NAV2: variants seen among roughly 807,000 people sequenced by gnomAD.
NAV2 encodes neuron navigator 2, also known as helicase, APC down-regulated 1.
Under a neutral mutation model 223.2 loss-of-function variants are expected in NAV2, and 54 were observed. The observed-to-expected ratio is 0.24, with a 90% CI of 0.19 to 0.30. The LOEUF (loss-of-function observed/expected upper bound fraction) is 0.30, where lower values mean the gene tolerates loss of function less well. Ranked by LOEUF, NAV2 falls within the 10% of genes least tolerant of loss-of-function variation. The pLI, the probability that NAV2 is intolerant of heterozygous loss-of-function variation, is 1.00. For synonymous variants in NAV2, 1,279 were observed against 1,239.3 expected, an observed-to-expected ratio of 1.03 and a Z score of -0.67; for missense variants, 2,806 against 3,147.5, an observed-to-expected ratio of 0.89 and a Z score of 2.60.
chr11:19,701,946 T>C (rs971248296), intron 1 of NAV2, among the ~76,000 whole-genome samples: 5 of 152,212 alleles, frequency 3.3e-5, no homozygotes, highest in African/African-American at 1.2e-4. Flanking sequence ...TGACAGCTTT[T>C]AGACCATCCT....
chr11:19,865,821 A>G (rs1176178115), intron 3 of NAV2, among the ~76,000 whole-genome samples: 1 of 152,120 alleles, frequency 6.6e-6, no homozygotes, highest in Non-Finnish European at 1.5e-5. Context: ...TTCCCTGTTC[A>G]CCTAATAAAG....
intron 22 of NAV2, among the ~76,000 whole-genome samples, chr11:20,076,550 G>C (rs978590529): frequency 2.0e-5 from 3 of 152,140 alleles, no homozygotes; most frequent in Non-Finnish European, 4.4e-5. Flanking sequence ...AAATTCCTTA[G>C]CATGACTGTT....
intron 1 of NAV2, among the ~76,000 whole-genome samples, chr11:19,693,270 T>C (rs767013945): frequency 3.9e-5 from 6 of 152,252 alleles, no homozygotes; most frequent in Admixed American, 1.3e-4. Flanking sequence ...TCGAGTGAGA[T>C]AGCCGATGGC....
chr11:19,631,270 C>A (rs12796303), intron 1 of NAV2, among the ~76,000 whole-genome samples: 7,585 of 151,698 alleles, frequency 0.05, 245 homozygotes, highest in Non-Finnish European at 0.075. Context: ...CCCCACCCCA[C>A]AACAGTCCCC....
At chr11:19,473,074 G>A (rs569382563) in intron 1 of NAV2, among the ~76,000 whole-genome samples, 19 of 152,302 alleles carry the variant, frequency 1.2e-4, no homozygotes, top group Admixed American at 3.3e-4. Context: ...CCAGAGTTCA[G>A]AGCTCTGCCT....
chr11:20,105,585 C>G lies in NAV2; in HGVS notation c.6699C>G (p.Phe2233Leu). The G allele has an allele frequency of 6.2e-7, 1 of 1,614,020 alleles. No homozygotes were observed. The highest frequency in any genetic ancestry group is 8.5e-7 in the Non-Finnish European group (1 of 1,179,974). ...CTGTGAAGGGTTTCCTTGGCCGATTCCTGAGGAGGAAGCTCATGGAAACAG... is the reference window on the plus strand; with the variant it reads ...CTGTGAAGGGTTTCCTTGGCCGATTGCTGAGGAGGAAGCTCATGGAAACAG... Reference protein sequence around the residue: ...TEPVKGFLGRFLRRKLMETEI... With the variant: ...TEPVKGFLGRLLRRKLMETEI... The change falls in exon 35 of 38, where the codon TTC becomes TTG. Residue 2233 changes from phenylalanine (F) to leucine (L), a missense_variant. By Grantham distance (22) the Phe-to-Leu change is conservative. Around this residue, in one of 4 missense-constraint regions of NAV2, gnomAD observed 824 missense variants for 1,069.4 expected, o/e 0.77. Coordinates refer to ENST00000349880, the MANE Select transcript of NAV2 (RefSeq NM_145117.5).
chr11:19,748,742 C>CAA (rs35227619), intron 1 of NAV2, among the ~76,000 whole-genome samples: 1 of 151,870 alleles, frequency 6.6e-6, no homozygotes, highest in Non-Finnish European at 1.5e-5. Context: ...CTGTTAGGAA[C>CAA]GGGGCAGGGA....
chr11:19,891,149 G>A (rs1041104209), intron 5 of NAV2, among the ~76,000 whole-genome samples: 3 of 152,150 alleles, frequency 2.0e-5, no homozygotes, highest in African/African-American at 7.2e-5. Flanking sequence ...TATCTAAAAT[G>A]CTTCCAGACT....
chr11:19,619,123 A>G lies in NAV2; in HGVS notation c.76-213361A>G, dbSNP rs534357472. ...TTATGGCTGCATAGTATTCCATGGTATATATGTGCCACATTTTCTTAATCC... is the reference window on the plus strand; with the variant it reads ...TTATGGCTGCATAGTATTCCATGGTGTATATGTGCCACATTTTCTTAATCC... On this transcript the variant is annotated intron_variant, in intron 1 of 37. Coordinates refer to the NAV2 transcript ENST00000360655. Among the ~76,000 whole-genome samples, 147 of 150,524 alleles carry G rather than the reference A, an allele frequency of 9.8e-4. 3 individuals are homozygous for G. Among genetic ancestry groups the G allele is most frequent in the Middle Eastern group, 6.8e-3 (2 of 294 alleles).
chr11:19,769,969 G>A (rs1327146318), intron 1 of NAV2, among the ~76,000 whole-genome samples: 1 of 151,900 alleles, frequency 6.6e-6, no homozygotes, highest in Non-Finnish European at 1.5e-5. Context: ...AAGAATGAAA[G>A]GGCTGATCCC....
chr11:19,936,810 A>G (rs188681888), intron 7 of NAV2, among the ~76,000 whole-genome samples: 13 of 152,280 alleles, frequency 8.5e-5, no homozygotes, highest in East Asian at 1.9e-4. Context: ...ATTTGCCCCA[A>G]GTCACAGAAC....
chr11:19,956,365 T>TACACACACACAC (rs113677958), intron 10 of NAV2, among the ~76,000 whole-genome samples: 1 of 103,806 alleles, frequency 9.6e-6, no homozygotes, highest in Non-Finnish European at 1.9e-5. Flanking sequence ...CCGACACACA[T>TACACACACACAC]ACACACACAC....
chr11:19,570,890 A>G (rs543750357), intron 1 of NAV2, among the ~76,000 whole-genome samples: 1 of 152,382 alleles, frequency 6.6e-6, no homozygotes, highest in South Asian at 2.1e-4. Flanking sequence ...TATTTCAAAA[A>G]GTTAAACATG....
At chr11:19,483,133 A>G (rs906960210) in intron 1 of NAV2, among the ~76,000 whole-genome samples, 3 of 152,248 alleles carry the variant, frequency 2.0e-5, no homozygotes, top group African/African-American at 7.2e-5. Flanking sequence ...AATTTGTTGT[A>G]GGCAAGTAAG....
intron 1 of NAV2, among the ~76,000 whole-genome samples, chr11:19,643,867 T>C (rs1452778801): frequency 8.5e-5 from 13 of 152,228 alleles, no homozygotes; most frequent in Admixed American, 8.5e-4. Context: ...CTAACTGGTG[T>C]GAGATGGTAT....
chr11:19,454,825 T>C (rs1309328509), intron 1 of NAV2, among the ~76,000 whole-genome samples: 1 of 152,198 alleles, frequency 6.6e-6, no homozygotes, highest in African/African-American at 2.4e-5. Context: ...TGGGAGCACC[T>C]TCCAGAAAGA....
At chr11:19,854,715 G>C (rs2061329647) in intron 3 of NAV2, among the ~76,000 whole-genome samples, 1 of 152,184 alleles carries the variant, frequency 6.6e-6, no homozygotes, top group South Asian at 2.1e-4. Flanking sequence ...GCATGTGGTA[G>C]CTTGAGAGGC....
At chr11:20,100,833 C>T (rs1384259211) in intron 31 of NAV2, 104 bp from the exon 32 acceptor site, 86 of 917,122 alleles carry the variant, frequency 9.4e-5, no homozygotes, top group Middle Eastern at 2.2e-4. Flanking sequence ...AGTGGACTGC[C>T]GAGGAGAGGA....
intron 1 of NAV2, among the ~76,000 whole-genome samples, chr11:19,634,012 G>A (rs939646839): frequency 2.6e-5 from 4 of 152,306 alleles, no homozygotes; most frequent in African/African-American, 9.6e-5. Context: ...CTTCATAAAG[G>A]TATGTTCCTT....
Sources: gnomAD v4.1 joint callset for allele counts (sites outside exome capture counted in the v4.1 genomes callset) on GRCh38, gnomAD v4.1.1 for gene constraint, gnomAD v4.1.1 regional missense constraint, MANE v1.5 for transcripts, NCBI Gene and HGNC (gene_info 2026-07-23, HGNC 2026-07-21) for gene names.